The following ERICH6 variants were observed in gnomAD, a reference collection of about 807,000 sequenced individuals.
ERICH6 encodes glutamate rich 6.
A neutral mutation model predicts 71.0 loss-of-function variants in ERICH6; 71 were observed. The ratio of observed to expected loss-of-function variants is 1.00; its 90% CI spans 0.83 to 1.22. The LOEUF (loss-of-function observed/expected upper bound fraction) is 1.22. Among genes scored for constraint, ERICH6 ranks in the 50% most tolerant of loss-of-function variants. The pLI is 0.00. For missense variants in ERICH6, 808 were observed against 797.2 expected, an observed-to-expected ratio of 1.01 and a Z score of -0.16; for synonymous variants, 262 against 278.4, an observed-to-expected ratio of 0.94 and a Z score of 0.59.
intron 3 of ERICH6, among the ~76,000 whole-genome samples, chr3:150,697,361 T>C (rs1712693363): frequency 1.3e-5 from 2 of 152,236 alleles, no homozygotes; most frequent in South Asian, 4.1e-4. Context: ...ATGTTTTAGT[T>C]ACACCACTGT....
chr3:150,660,221 G>T, intron 13 of ERICH6, 66 bp from the exon 14 acceptor site: 2 of 1,553,022 alleles, frequency 1.3e-6, no homozygotes, highest in Non-Finnish European at 1.7e-6. Flanking sequence ...GGTGGGAGGA[G>T]CTGAGTCATG....
chr3:150,667,327 AG>A (rs77091543), intron 12 of ERICH6, among the ~76,000 whole-genome samples: 16,121 of 152,190 alleles, frequency 0.11, 1,339 homozygotes, highest in East Asian at 0.45. Flanking sequence ...GATACAGAAG[AG>A]TAGATTAATC....
At chr3:150,696,160 T>C (rs976793248) in intron 3 of ERICH6, among the ~76,000 whole-genome samples, 3 of 152,028 alleles carry the variant, frequency 2.0e-5, no homozygotes, top group African/African-American at 7.2e-5. Context: ...ACACAATATA[T>C]ATTTGATAAT....
Position 150,703,763 on chromosome 3 carries a change from C to T in ERICH6, c.136G>A (p.Glu46Lys), listed in dbSNP as rs1451786512. Residue 46 changes from glutamate to lysine, a missense_variant, in exon 1 of 14, where the codon GAA (glutamate) becomes AAA (lysine). Around this residue, in one of 3 missense-constraint regions of ERICH6, gnomAD observed 19 missense variants for 44.4 expected, o/e 0.43. Coordinates refer to ENST00000295910, the MANE Select transcript of ERICH6 (RefSeq NM_152394.5). ...TCCTCCTCCTCCTCCTCCACCTCTT[C>T]CTCCTCCTCCTCCACCTCTTCCTCC... is the stretch of plus-strand genomic sequence containing the variant. ...EEEEEVEEEE[E>K]EVEEEEEEVV... 6.3e-7 allele frequency: 1 copy of T among 1,577,888 alleles called. No homozygotes were observed. The highest frequency in any genetic ancestry group is 8.6e-7 in the Non-Finnish European group (1 of 1,161,814).
At chr3:150,680,008 T>G (rs1399670496) in intron 9 of ERICH6, among the ~76,000 whole-genome samples, 1 of 152,058 alleles carries the variant, frequency 6.6e-6, no homozygotes, top group Admixed American at 6.5e-5. Context: ...GAAAACAAAA[T>G]GGAAAGTATG....
intron 11 of ERICH6, among the ~76,000 whole-genome samples, chr3:150,672,334 A>G (rs1711510658): frequency 6.7e-6 from 1 of 149,282 alleles, no homozygotes; most frequent in Admixed American, 6.7e-5. Flanking sequence ...GTGGTGGCTC[A>G]TGCCTGTAAT....
intron 10 of ERICH6, among the ~76,000 whole-genome samples, chr3:150,676,950 T>C (rs1711684941): frequency 6.6e-6 from 1 of 152,040 alleles, no homozygotes; most frequent in Non-Finnish European, 1.5e-5. Context: ...GTAGCTGGGA[T>C]TACGGGTGCC....
At position 150,702,242 on chromosome 3, in the gene ERICH6, C is replaced by CT; in HGVS notation, c.404-65_404-64insA. ...AAATCAAAAGGTCAATTCTACCCCC[C>CT]CCAGGAACACATGGCAATGTCTGGA... On this transcript the variant is annotated intron_variant, in intron 1 of 13. Transcript: ENST00000295910. 4.1e-6 allele frequency: 4 copies of CT among 963,890 alleles called. No homozygotes were observed. The South Asian group carries it at 4.7e-5, about 11-fold the overall frequency. 59.7% of individuals were successfully genotyped at this position (963,890 alleles called of 1,614,324 possible).
chr3:150,701,943 GA>G (rs1469351692), intron 2 of ERICH6, among the ~76,000 whole-genome samples, 177 bp downstream of exon 2: 2 of 152,094 alleles, frequency 1.3e-5, no homozygotes, highest in Non-Finnish European at 2.9e-5. Context: ...ATAAGCTGGG[GA>G]TAAGTGGGAA....
In ERICH6 at chr3:150,672,264, C is replaced by CATATATATATAT. The variant is rs57492414; in HGVS notation, c.1343+1680_1343+1691dup. 1.1e-3 allele frequency among the ~76,000 whole-genome samples: 131 copies of CATATATATATAT among 123,642 alleles called. 10 individuals carry two copies. Among genetic ancestry groups the CATATATATATAT allele is most frequent in the South Asian group, 8.8e-3 (31 of 3,540 alleles). The allele number at this position is 123,642 out of a possible 152,430, so 81.1% of individuals were successfully genotyped here. ...TAAACAAAGAATCCATTTATATATA[C>CATATATATATAT]ATATATATATATATGCTCATACACA... On this transcript the variant is annotated intron_variant, in intron 11 of 13. Transcript: ENST00000295910.
At position 150,703,573 on chromosome 3, in the gene ERICH6, G is replaced by A. The variant is rs1032645497; in HGVS notation, c.326C>T (p.Thr109Met). The A allele has an allele frequency of 3.7e-6, 6 of 1,613,698 alleles. No individual in the cohort carries two copies. The African/African-American group carries it at 6.7e-5, about 18-fold the overall frequency. The change falls in exon 1 of 14, where the codon ACG becomes ATG. Residue 109 changes from threonine (T) to methionine (M), a missense_variant. Physicochemically the swap from Thr to Met is moderately conservative, Grantham distance 81 (BLOSUM62 -1). Coordinates refer to ENST00000295910, the MANE Select transcript of ERICH6 (RefSeq NM_152394.5). ...GGTCGCGCTCTGGCTGGGCACGAAC[G>A]TAGAGGTCAGGCTAGGGCTGACGAT... ...ASIVSPSLTS[T>M]FVPSQSATST... is the part of the protein sequence containing the mutation.
intron 2 of ERICH6, among the ~76,000 whole-genome samples, chr3:150,699,476 T>A (rs1176194738): frequency 6.6e-6 from 1 of 152,132 alleles, no homozygotes; most frequent in East Asian, 1.9e-4. Context: ...TAGCAGACTC[T>A]CCTATGCAAG....
chr3:150,662,418 G>A (rs1727257768), intron 13 of ERICH6, among the ~76,000 whole-genome samples: 1 of 152,150 alleles, frequency 6.6e-6, no homozygotes, highest in South Asian at 2.1e-4. Flanking sequence ...AAAAATAAAA[G>A]GATAGAGAGG....
chr3:150,703,576 G>A lies in ERICH6; in HGVS notation c.323C>T (p.Ser108Phe), dbSNP rs1257780006. 1 of 1,613,838 alleles carries A rather than the reference G, an allele frequency of 6.2e-7. No individual in the cohort carries two copies. The change falls in exon 1 of 14, where the codon TCT becomes TTT. Residue 108 changes from serine (S) to phenylalanine (F), a missense_variant. Transcript: ENST00000295910. ...CGCGCTCTGGCTGGGCACGAACGTA[G>A]AGGTCAGGCTAGGGCTGACGATGCT... Reference protein sequence around the residue: ...LASIVSPSLTSTFVPSQSATS... With the variant: ...LASIVSPSLTFTFVPSQSATS...
chr3:150,682,328 G>A lies in ERICH6; in HGVS notation c.784-12C>T, dbSNP rs1254485257. On this transcript the variant is annotated splice_polypyrimidine_tract_variant and intron_variant, in intron 6 of 13. Transcript: ENST00000295910. ...TCCTCCTCTTCATCCTTCAGAGAGA[G>A]AGGAAAAAAATTAAAGAAGTCCCCA... The A allele has an allele frequency of 3.7e-6, 6 of 1,606,348 alleles. No homozygotes were observed. Among genetic ancestry groups the A allele is most frequent in the Non-Finnish European group, 5.1e-6 (6 of 1,177,138 alleles).
chr3:150,699,392 A>G (rs1712775181), intron 2 of ERICH6, among the ~76,000 whole-genome samples: 1 of 152,166 alleles, frequency 6.6e-6, no homozygotes, highest in Non-Finnish European at 1.5e-5. Context: ...AGGATTTCCC[A>G]GCTTCACTCC....
At chr3:150,667,762 T>C (rs1023982123) in intron 12 of ERICH6, among the ~76,000 whole-genome samples, 2 of 152,156 alleles carry the variant, frequency 1.3e-5, no homozygotes, top group African/African-American at 4.8e-5. Context: ...ACAGTAGATA[T>C]AGTGTTCTGG....
chr3:150,679,381 C>T (rs940547891), intron 9 of ERICH6, among the ~76,000 whole-genome samples: 9 of 152,078 alleles, frequency 5.9e-5, no homozygotes, highest in Admixed American at 2.0e-4. Flanking sequence ...CACCCTTTCC[C>T]CCTGAATCCC....
chr3:150,703,716 C>G lies in ERICH6; in HGVS notation c.183G>C (p.Val61=), dbSNP rs759190517. ...EEEEVVEEEL[V]GEEQELEAPE... The stretch of plus-strand genomic sequence containing the variant: ...GGGCCTCCAACTCCTGCTCTTCCCC[C>G]ACCAACTCCTCCTCCACCACCTCCT... Residue 61 remains valine (V), a synonymous_variant, in exon 1 of 14, where the codon GTG becomes GTC. Coordinates refer to ENST00000295910, the MANE Select transcript of ERICH6 (RefSeq NM_152394.5). 2.5e-6 allele frequency: 4 copies of G among 1,607,658 alleles called. No homozygotes were observed. Among genetic ancestry groups the G allele is most frequent in the Non-Finnish European group, 3.4e-6 (4 of 1,176,948 alleles).
Sources: allele counts gnomAD v4.1 joint callset (sites outside exome capture counted in the v4.1 genomes callset), GRCh38; gene constraint gnomAD v4.1.1; regional missense constraint gnomAD v4.1.1; transcripts MANE v1.5; gene names NCBI Gene and HGNC (gene_info 2026-07-23, HGNC 2026-07-21).